Variants in ZEB2 observed in about 807,000 individuals in gnomAD.
ZEB2 encodes zinc finger E-box binding homeobox 2, also known as zinc finger E-box-binding homeobox 2.
ZEB2 carries 6 observed loss-of-function variants against 99.9 expected under a neutral mutation model. That is an observed-to-expected ratio of 0.06 (90% CI 0.03 to 0.12). The LOEUF (loss-of-function observed/expected upper bound fraction) is 0.12, where lower values mean the gene tolerates loss of function less well. Ranked by LOEUF, ZEB2 falls within the 10% of genes least tolerant of loss-of-function variation. The pLI, the probability that ZEB2 is intolerant of heterozygous loss-of-function variation, is 1.00. For synonymous variants in ZEB2, 517 were observed against 542.5 expected (o/e 0.95, Z 0.65); for missense variants, 969 against 1,502.8 (o/e 0.64, Z 5.87).
intron 2 of ZEB2, chr2:144,512,558 A>G (rs963997155): frequency 3.1e-6 from 4 of 1,287,100 alleles, no homozygotes; most frequent in African/African-American, 3.0e-5. Flanking sequence ...TCTTGGTTTT[A>G]CCCTATTTGA....
rs1192788923 is a variant in ZEB2, at chr2:144,389,111, TAGTTTTTTAA to T, written c.*330_*339del. On this transcript the variant is annotated 3_prime_UTR_variant, in exon 10 of 10. Transcript: ENST00000627532. This position sits in a 1 kb window ranked among gnomAD's most constrained non-coding sequence, Gnocchi z 6.8. ...AAAATGTATTAATATAAATTAGACA[TAGTTTTTTAA>T]AGTTTGTAGTGATACATAAGTAGAG... 3.3e-5 allele frequency: 18 copies of T among 544,660 alleles called. No individual in the cohort carries two copies. In the East Asian group the frequency reaches 5.5e-4, roughly 17 times the overall value. The allele number at this position is 544,660 out of a possible 1,614,324, so 33.7% of individuals were successfully genotyped here.
At chr2:144,409,864 G>A (rs915952177) in intron 4 of ZEB2, among the ~76,000 whole-genome samples, 1 of 151,696 alleles carries the variant, frequency 6.6e-6, no homozygotes, top group African/African-American at 2.4e-5. Context: ...ATTCCAGCCT[G>A]AGTGACAAAG....
intron 2 of ZEB2, among the ~76,000 whole-genome samples, chr2:144,452,161 A>G (rs1221238155): frequency 6.6e-6 from 1 of 152,186 alleles, no homozygotes; most frequent in Non-Finnish European, 1.5e-5. Context: ...GCATTTAGTC[A>G]GATTCAGAAA....
chr2:144,422,529 G>A (rs1703632024), intron 4 of ZEB2, among the ~76,000 whole-genome samples: 2 of 152,244 alleles, frequency 1.3e-5, no homozygotes, highest in African/African-American at 2.4e-5. Flanking sequence ...GCCAGGCGCA[G>A]TGGCACATGC....
intron 9 of ZEB2, among the ~76,000 whole-genome samples, chr2:144,392,916 GA>G (rs1419107281): frequency 6.6e-6 from 1 of 152,048 alleles, no homozygotes; most frequent in Non-Finnish European, 1.5e-5. Flanking sequence ...TTTGTGGTAT[GA>G]AAAAAATTAC....
chr2:144,456,572 TA>T (rs1704124798), intron 2 of ZEB2, among the ~76,000 whole-genome samples: 1 of 152,154 alleles, frequency 6.6e-6, no homozygotes, highest in African/African-American at 2.4e-5. Flanking sequence ...TTCTTTAATA[TA>T]CTGTGTATCT....
chr2:144,495,512 T>C (rs941978098), intron 2 of ZEB2: 3 of 152,342 alleles, frequency 2.0e-5, no homozygotes, highest in East Asian at 3.9e-4. Flanking sequence ...CATGTTCACA[T>C]GTAGACACAC....
chr2:144,478,378 G>A (rs1443015755), intron 2 of ZEB2, among the ~76,000 whole-genome samples: 2 of 152,188 alleles, frequency 1.3e-5, no homozygotes, highest in Non-Finnish European at 2.9e-5. Flanking sequence ...TGAGCACTTC[G>A]TACCCACTGT....
intron 4 of ZEB2, chr2:144,405,375 T>C (rs1311006983): frequency 3.7e-6 from 1 of 272,930 alleles, no homozygotes; most frequent in Non-Finnish European, 7.1e-6. Context: ...TTAAAGATAA[T>C]ATAAGATTAA....
chr2:144,499,737 C>T (rs992138912), intron 2 of ZEB2, among the ~76,000 whole-genome samples: 5 of 152,080 alleles, frequency 3.3e-5, no homozygotes, highest in African/African-American at 9.7e-5. Flanking sequence ...GGACAGATTT[C>T]CCCCCATGTC....
intron 2 of ZEB2, among the ~76,000 whole-genome samples, chr2:144,434,296 T>C (rs1703810002): frequency 6.6e-6 from 1 of 152,184 alleles, no homozygotes; most frequent in Admixed American, 6.6e-5. Context: ...ATTTATTAAA[T>C]ACCCACAATG....
chr2:144,464,330 T>C (rs1266268093), intron 2 of ZEB2: 1 of 152,192 alleles, frequency 6.6e-6, no homozygotes, highest in African/African-American at 2.4e-5. Flanking sequence ...TCTATTTAGG[T>C]GGTTTGTCTT....
intron 9 of ZEB2, among the ~76,000 whole-genome samples, chr2:144,392,233 G>C (rs1174198497): frequency 1.3e-5 from 2 of 152,152 alleles, no homozygotes; most frequent in African/African-American, 4.8e-5. Context: ...ATTAGCTCAG[G>C]AGCACAAAAA....
At chr2:144,411,057 CTATATATATATA>C (rs4008310) in intron 4 of ZEB2, among the ~76,000 whole-genome samples, 747 of 40,790 alleles carry the variant, frequency 0.018, 15 homozygotes, top group African/African-American at 0.052. Flanking sequence ...ACAGACATGT[CTATATATATATA>C]TATATATATA....
At chr2:144,469,344 C>T (rs891953118) in intron 2 of ZEB2, among the ~76,000 whole-genome samples, 1 of 152,120 alleles carries the variant, frequency 6.6e-6, no homozygotes, top group East Asian at 1.9e-4. Flanking sequence ...GCCAATTCAC[C>T]AACTAACACA....
chr2:144,489,924 G>A (rs915612396), intron 2 of ZEB2, among the ~76,000 whole-genome samples: 3 of 152,194 alleles, frequency 2.0e-5, no homozygotes, highest in East Asian at 1.9e-4. Flanking sequence ...AAACACAAAC[G>A]GAGGCTCTGA....
intron 8 of ZEB2, 81 bp downstream of exon 8, chr2:144,398,220 A>G (rs1703255589): frequency 6.4e-7 from 1 of 1,562,292 alleles, no homozygotes; most frequent in African/African-American, 1.4e-5. Context: ...TTTTTCACTA[A>G]GATTTTTTTT....
chr2:144,512,910 C>T, intron 2 of ZEB2: 1 of 1,287,272 alleles, frequency 7.8e-7, no homozygotes, highest in South Asian at 1.2e-5. Flanking sequence ...TGCCCCAGTG[C>T]TTTGAAAGTC....
chr2:144,403,323 G>A (rs1482758171), intron 6 of ZEB2, among the ~76,000 whole-genome samples: 1 of 151,950 alleles, frequency 6.6e-6, no homozygotes, highest in African/African-American at 2.4e-5. Flanking sequence ...TATATTAAGG[G>A]ATCATTTTTA....
Sources: allele counts gnomAD v4.1 joint callset (sites outside exome capture counted in the v4.1 genomes callset), GRCh38; gene constraint gnomAD v4.1.1; non-coding constraint Gnocchi (gnomAD v3.1); transcripts MANE v1.5; gene names NCBI Gene and HGNC (gene_info 2026-07-23, HGNC 2026-07-21).